Variants in COL21A1 observed in about 807,000 individuals in gnomAD.
The protein encoded by COL21A1 is collagen alpha-1(XXI) chain.
A neutral mutation model predicts 137.9 loss-of-function variants in COL21A1; 149 were observed. The ratio of observed to expected loss-of-function variants is 1.08; its 90% CI spans 0.95 to 1.24. COL21A1 has a LOEUF of 1.24. Among genes scored for constraint, COL21A1 ranks in the 50% most tolerant of loss-of-function variants. The pLI, the probability that COL21A1 is intolerant of heterozygous loss-of-function variation, is 0.00. For synonymous variants in COL21A1, 456 were observed against 391.5 expected, an observed-to-expected ratio of 1.16 and a Z score of -1.95; for missense variants, 1,167 against 1,158.4, an observed-to-expected ratio of 1.01 and a Z score of -0.11.
chr6:56,265,168 T>C (rs1022301039), intron 1 of COL21A1, among the ~76,000 whole-genome samples: 33 of 152,274 alleles, frequency 2.2e-4, no homozygotes, highest in Non-Finnish European at 4.6e-4. Flanking sequence ...TTCAAGCTAC[T>C]TGGAAAATTA....
At chr6:56,373,341 C>T (rs1160266933) in intron 1 of COL21A1, among the ~76,000 whole-genome samples, 1 of 152,180 alleles carries the variant, frequency 6.6e-6, no homozygotes, top group East Asian at 1.9e-4. Context: ...GTGGCTCATG[C>T]CTGTAATCCC....
intron 29 of COL21A1, 39 bp from the exon 30 acceptor site, chr6:56,057,883 T>C: frequency 7.3e-7 from 1 of 1,377,104 alleles, no homozygotes; most frequent in Non-Finnish European, 9.5e-7. Flanking sequence ...CAGAGGACTT[T>C]AGTTTTTTAT....
chr6:56,260,581 AAAGAAAG>A (rs1763227202), intron 1 of COL21A1, among the ~76,000 whole-genome samples: 2 of 43,640 alleles, frequency 4.6e-5, no homozygotes, highest in African/African-American at 9.3e-5. Context: ...CAAAAAAAAA[AAAGAAAG>A]AAGAAGAAGA....
intron 1 of COL21A1, among the ~76,000 whole-genome samples, chr6:56,202,189 A>G (rs1779454033): frequency 6.6e-6 from 1 of 152,206 alleles, no homozygotes; most frequent in Admixed American, 6.5e-5. Context: ...TGTAGTGTGA[A>G]AAGGTAACTA....
chr6:56,078,095 A>G (rs1191502869), intron 17 of COL21A1: 2 of 455,764 alleles, frequency 4.4e-6, no homozygotes, highest in Non-Finnish European at 8.8e-6. Context: ...TCCCTTACTG[A>G]TGCAATCATG....
chr6:56,199,866 C>A (rs573579481), intron 1 of COL21A1, among the ~76,000 whole-genome samples: 61 of 152,228 alleles, frequency 4.0e-4, no homozygotes, highest in African/African-American at 1.4e-3. Flanking sequence ...GGTGACAAAA[C>A]TAAATAAGGA....
chr6:56,236,088 A>G (rs1781878765), intron 1 of COL21A1, among the ~76,000 whole-genome samples: 1 of 152,014 alleles, frequency 6.6e-6, no homozygotes, highest in Non-Finnish European at 1.5e-5. Context: ...CTATTAAGCA[A>G]CCAATGGCCA....
chr6:56,111,631 A>G (rs1771440103), intron 16 of COL21A1, among the ~76,000 whole-genome samples: 1 of 151,668 alleles, frequency 6.6e-6, no homozygotes, highest in Non-Finnish European at 1.5e-5. Context: ...TGGGAATCTG[A>G]GGTGGGTGAA....
chr6:56,158,795 C>A (rs1169262979), intron 9 of COL21A1, among the ~76,000 whole-genome samples: 1 of 151,968 alleles, frequency 6.6e-6, no homozygotes, highest in African/African-American at 2.4e-5. Context: ...AGCTGCCCCC[C>A]AAGAGGCTTA....
chr6:56,266,192 C>T (rs1240245476), intron 1 of COL21A1, among the ~76,000 whole-genome samples: 1 of 152,114 alleles, frequency 6.6e-6, no homozygotes, highest in African/African-American at 2.4e-5. Context: ...CACCGAAAAT[C>T]AAAGCAAAAG....
chr6:56,269,402 T>A (rs2152332114), intron 1 of COL21A1, among the ~76,000 whole-genome samples: 1 of 152,026 alleles, frequency 6.6e-6, no homozygotes, highest in East Asian at 1.9e-4. Flanking sequence ...ACGCCTGTAA[T>A]CCCAGCACTT....
At chr6:56,370,242 T>C (rs1271988363) in intron 1 of COL21A1, among the ~76,000 whole-genome samples, 1 of 152,212 alleles carries the variant, frequency 6.6e-6, no homozygotes, top group Admixed American at 6.5e-5. Flanking sequence ...GGCTCCTGGA[T>C]TGCCTGATTC....
chr6:56,245,382 T>C (rs1487556193), intron 1 of COL21A1, among the ~76,000 whole-genome samples: 2 of 152,166 alleles, frequency 1.3e-5, no homozygotes, highest in African/African-American at 4.8e-5. Flanking sequence ...AAGTTCCATA[T>C]AAAGTATGTA....
At chr6:56,358,671 CAGAAG>C (rs1765894526) in intron 1 of COL21A1, among the ~76,000 whole-genome samples, 1 of 152,060 alleles carries the variant, frequency 6.6e-6, no homozygotes, top group Admixed American at 6.6e-5. Flanking sequence ...TAAATTGTAT[CAGAAG>C]AAAAGTTTAG....
chr6:56,332,218 A>G (rs974277834), intron 1 of COL21A1: 2 of 152,082 alleles, frequency 1.3e-5, no homozygotes, highest in Non-Finnish European at 2.9e-5. Flanking sequence ...TTGAATATGT[A>G]GATTGCCTTG....
At chr6:56,266,379 T>C (rs72877966) in intron 1 of COL21A1, among the ~76,000 whole-genome samples, 1,844 of 152,242 alleles carry the variant, frequency 0.012, 16 homozygotes, top group South Asian at 0.022. Context: ...AACACAGCCA[T>C]GATCTTTTTT....
chr6:56,101,793 G>A (rs1329587117), intron 16 of COL21A1, among the ~76,000 whole-genome samples: 1 of 152,052 alleles, frequency 6.6e-6, no homozygotes. Flanking sequence ...ATTCTTATGA[G>A]AATAGACCAT....
At chr6:56,134,681 C>T (rs1019387322) in intron 12 of COL21A1, among the ~76,000 whole-genome samples, 1 of 152,166 alleles carries the variant, frequency 6.6e-6, no homozygotes, top group Non-Finnish European at 1.5e-5. Flanking sequence ...CAACGGGAGG[C>T]AATTGAATCA....
intron 1 of COL21A1, among the ~76,000 whole-genome samples, chr6:56,319,989 A>G (rs932284409): frequency 6.6e-6 from 1 of 152,080 alleles, no homozygotes; most frequent in Non-Finnish European, 1.5e-5. Flanking sequence ...CTCTTTAAAT[A>G]CCATCTAGAT....
Sources: gnomAD v4.1 joint callset for allele counts (sites outside exome capture counted in the v4.1 genomes callset) on GRCh38, gnomAD v4.1.1 for gene constraint, MANE v1.5 for transcripts, NCBI Gene and HGNC (gene_info 2026-07-23, HGNC 2026-07-21) for gene names.